The following OGG1 variants were observed in gnomAD, a reference collection of about 807,000 sequenced individuals.
OGG1 encodes N-glycosylase/DNA lyase.
A neutral mutation model predicts 42.3 loss-of-function variants in OGG1; 35 were observed. That is an observed-to-expected ratio of 0.83 (90% CI 0.63 to 1.10). OGG1 has a LOEUF of 1.10. Ranked by LOEUF, OGG1 falls within the 50% of genes least tolerant of loss-of-function variation. OGG1 has a pLI of 0.00. For missense variants in OGG1, 484 were observed against 446.7 expected (o/e 1.08, Z -0.75); for synonymous variants, 189 against 179.0 (o/e 1.06, Z -0.44).
rs56276978 is a variant in OGG1 at position 9,751,967 on chromosome 3, C to T, written c.565+18C>T. 6.8e-5 allele frequency: 110 copies of T among 1,611,882 alleles called. No homozygotes were observed. In the East Asian group the frequency reaches 2.1e-3, roughly 31 times the overall value. ...CCTGGCTGGTGAGTAGGTGGGTCCC[C>T]TGCCCCCAGGCCTTCCATCAGCTTT... On this transcript the variant is annotated intron_variant, in intron 3 of 6. Transcript: ENST00000344629.
downstream of OGG1, chr3:9,767,772 G>A: frequency 6.2e-7 from 1 of 1,613,500 alleles, no homozygotes; most frequent in Non-Finnish European, 8.5e-7. Context: ...CCCGACCACA[G>A]CCAGGGCTCC....
intron 2 of OGG1, among the ~76,000 whole-genome samples, chr3:9,775,711 C>T (rs1425274674): frequency 3.3e-5 from 5 of 151,590 alleles, no homozygotes; most frequent in African/African-American, 9.7e-5. Context: ...GTGATCTCTG[C>T]TCACTGTAAC....
downstream of OGG1, among the ~76,000 whole-genome samples, chr3:9,768,385 A>G (rs747823937): frequency 3.9e-5 from 6 of 152,156 alleles, no homozygotes; most frequent in South Asian, 1.2e-3. Context: ...GGGTCCCGGG[A>G]GCATGAGAAA....
intron 1 of OGG1, 144 bp downstream of exon 1, chr3:9,750,567 T>C: frequency 9.0e-7 from 1 of 1,110,808 alleles, no homozygotes; most frequent in Non-Finnish European, 1.3e-6. Flanking sequence ...GTAGCCAACC[T>C]GTTACCTTTA....
chr3:9,755,946 A>G (rs1012612226), intron 4 of OGG1, among the ~76,000 whole-genome samples: 1 of 152,176 alleles, frequency 6.6e-6, no homozygotes, highest in African/African-American at 2.4e-5. Context: ...TGGGTGTGGT[A>G]ATACCTTCTT....
chr3:9,760,380 T>G (rs934594512), downstream of OGG1: 4 of 366,318 alleles, frequency 1.1e-5, no homozygotes, highest in Admixed American at 8.2e-5. Flanking sequence ...TATGGTGGTG[T>G]TTTAGACATT....
At chr3:9,772,676 G>A (rs1490934397) in intron 2 of OGG1, among the ~76,000 whole-genome samples, 3 of 152,120 alleles carry the variant, frequency 2.0e-5, no homozygotes, top group Non-Finnish European at 4.4e-5. Flanking sequence ...AGAGTGACAT[G>A]TTCACCCCTT....
chr3:9,781,394 C>A, intron 2 of OGG1: 2 of 418,196 alleles, frequency 4.8e-6, no homozygotes, highest in Admixed American at 2.5e-5. Flanking sequence ...TACTATTATT[C>A]ATATGTTACC....
At chr3:9,784,637 G>A (rs1332250563) in intron 3 of OGG1, among the ~76,000 whole-genome samples, 1 of 151,960 alleles carries the variant, frequency 6.6e-6, no homozygotes, top group East Asian at 1.9e-4. Context: ...GGCCGAGGTG[G>A]GAGGATCACC....
chr3:9,790,097 A>C, downstream of OGG1: 8 of 1,118,930 alleles, frequency 7.1e-6, no homozygotes, highest in East Asian at 2.8e-5. Flanking sequence ...TACCTAGTAA[A>C]CTCTTACTCA....
rs775716996 is a variant in OGG1 at position 9,751,211 on chromosome 3, C to T, written c.385+19C>T. ...TTCCAAGGTGAGTACAGGACCTGGG[C>T]TGGGGTTAGGGTTCTTGGACATAAG... On this transcript the variant is annotated intron_variant, in intron 2 of 6. Transcript: ENST00000344629. 1.2e-6 allele frequency: 2 copies of T among 1,612,624 alleles called. No individual in the cohort carries two copies. Among genetic ancestry groups the T allele is most frequent in the Non-Finnish European group, 1.7e-6 (2 of 1,179,292 alleles).
downstream of OGG1, among the ~76,000 whole-genome samples, chr3:9,766,995 C>T (rs945930173): frequency 3.9e-5 from 6 of 152,212 alleles, no homozygotes; most frequent in South Asian, 2.1e-4. Flanking sequence ...TTTCCACTCT[C>T]CCCCCAGCCT....
At chr3:9,779,751 C>A (rs2078417822) in intron 2 of OGG1, 1 of 152,238 alleles carries the variant, frequency 6.6e-6, no homozygotes, top group Non-Finnish European at 1.5e-5. Context: ...CTGCAGCCAA[C>A]ACATTTCCTT....
downstream of OGG1, chr3:9,790,082 C>G (rs1333257888): frequency 1.6e-6 from 2 of 1,269,088 alleles, no homozygotes; most frequent in African/African-American, 3.0e-5. Flanking sequence ...TCCCCATCCT[C>G]TTTTTACCTA....
chr3:9,763,608 G>A (rs1166348816), intron 7 of OGG1, among the ~76,000 whole-genome samples: 1 of 152,014 alleles, frequency 6.6e-6, no homozygotes, highest in Non-Finnish European at 1.5e-5. Context: ...CACAGACCTG[G>A]GTCCAAATCC....
At chr3:9,775,266 C>T (rs532084549) in intron 2 of OGG1, among the ~76,000 whole-genome samples, 1 of 152,066 alleles carries the variant, frequency 6.6e-6, no homozygotes, top group Admixed American at 6.6e-5. Flanking sequence ...AAACAAAAAA[C>T]AATATGCCCT....
At position 9,765,716 on chromosome 3, in the gene OGG1, G is replaced by A. The variant is rs1575257906; in HGVS notation, c.1049-93G>A. 1.9e-6 allele frequency: 3 copies of A among 1,607,802 alleles called. No individual in the cohort carries two copies. In the East Asian group the frequency reaches 6.7e-5, roughly 36 times the overall value. ...GAAAGGAGGAGGATGGGAGGGCCAA[G>A]GCAGGGTCAGCTTGGGGCAGGGAAA... On this transcript the variant is annotated intron_variant, in intron 7 of 7. Transcript: ENST00000302008.
In OGG1 at chr3:9,756,750, C is replaced by T; in HGVS notation, c.899-17C>T. On this transcript the variant is annotated splice_polypyrimidine_tract_variant and intron_variant, in intron 5 of 6. Coordinates refer to ENST00000344629, the MANE Select transcript of OGG1 (RefSeq NM_002542.6). ...CAGAAGGGGTCAGATAACTTAGTCTCATCACTTCTGATTTAGGAAACTTTT... is the reference window on the plus strand; with the variant it reads ...CAGAAGGGGTCAGATAACTTAGTCTTATCACTTCTGATTTAGGAAACTTTT... 6.2e-7 allele frequency: 1 copy of T among 1,614,170 alleles called. No homozygotes were observed. Among genetic ancestry groups the T allele is most frequent in the Non-Finnish European group, 8.5e-7 (1 of 1,180,020 alleles).
chr3:9,757,054 C>T lies in OGG1; in HGVS notation c.949-7C>T, dbSNP rs777474771. Reference sequence around the variant, plus strand: ...CTCCTCCCCACACAGACTCCACCCTCCTACAGGTGCTGTTCAGTGCCGACC... The same window carrying T: ...CTCCTCCCCACACAGACTCCACCCTTCTACAGGTGCTGTTCAGTGCCGACC... On this transcript the variant is annotated splice_region_variant and splice_polypyrimidine_tract_variant and intron_variant, in intron 6 of 6. Transcript: ENST00000344629. The surrounding 1 kb of genome is among the most constrained non-coding windows in gnomAD (Gnocchi z 4.5). 1 of 1,614,104 alleles carries T rather than the reference C, an allele frequency of 6.2e-7. No homozygotes were observed. Among genetic ancestry groups the T allele is most frequent in the East Asian group, 2.2e-5 (1 of 44,882 alleles).
Sources: gnomAD v4.1 joint callset for allele counts (sites outside exome capture counted in the v4.1 genomes callset) on GRCh38, gnomAD v4.1.1 for gene constraint, Gnocchi (gnomAD v3.1) non-coding constraint, MANE v1.5 for transcripts, NCBI Gene and HGNC (gene_info 2026-07-23, HGNC 2026-07-21) for gene names.